Variants in DEFB131A observed in about 807,000 individuals in gnomAD.
The protein encoded by DEFB131A is defensin beta 131A, also known as beta-defensin 131A.
A neutral mutation model predicts 2.4 loss-of-function variants in DEFB131A; 5 were observed. The observed-to-expected ratio is 2.12, with a 90% CI of 1.11 to 4.47. DEFB131A has a LOEUF of 4.47. DEFB131A is among the 30% of genes most tolerant of loss of function. The probability of loss-of-function intolerance (pLI) is 0.00; values close to 1 mark genes in which losing one functional copy is unlikely to be tolerated. For missense variants in DEFB131A, 120 were observed against 79.9 expected (o/e 1.50, Z -1.91); for synonymous variants, 34 against 25.7 (o/e 1.32, Z -0.97).
chr4:9,448,386 T>C (rs1326932507), intron 1 of DEFB131A, among the ~76,000 whole-genome samples: 3 of 152,154 alleles, frequency 2.0e-5, no homozygotes, highest in African/African-American at 4.8e-5. Flanking sequence ...TCTCACTTTG[T>C]CACCCAGGCT....
At chr4:9,448,724 C>T (rs756514018) in intron 1 of DEFB131A, among the ~76,000 whole-genome samples, 1 of 152,130 alleles carries the variant, frequency 6.6e-6, no homozygotes, top group African/African-American at 2.4e-5. Flanking sequence ...AAAAGAAATT[C>T]TTCGCTCATA....
At chr4:9,448,427 G>A (rs1364845650) in intron 1 of DEFB131A, among the ~76,000 whole-genome samples, 2 of 152,026 alleles carry the variant, frequency 1.3e-5, no homozygotes, top group Non-Finnish European at 2.9e-5. Flanking sequence ...TTGGCTCACT[G>A]CAGCCTCTGC....
chr4:9,445,079 C>CA (rs2108836646), intron 1 of DEFB131A, among the ~76,000 whole-genome samples: 1 of 151,804 alleles, frequency 6.6e-6, no homozygotes, highest in Admixed American at 6.6e-5. Flanking sequence ...GACCCTGTCT[C>CA]AAAAAATAAT....
At chr4:9,446,369 G>T (rs1426829278) in intron 1 of DEFB131A, among the ~76,000 whole-genome samples, 1 of 152,010 alleles carries the variant, frequency 6.6e-6, no homozygotes, top group Non-Finnish European at 1.5e-5. Context: ...TCTTCGTATG[G>T]ATTATTTAGC....
chr4:9,447,235 C>T (rs1165335568), intron 1 of DEFB131A, among the ~76,000 whole-genome samples: 17 of 152,096 alleles, frequency 1.1e-4, no homozygotes, highest in Admixed American at 9.2e-4. Context: ...CTCTTTAGCT[C>T]TAATGACATT....
Position 9,450,434 on chromosome 4 carries a change from C to A in DEFB131A, c.133C>A (p.His45Asn). 2 of 1,610,210 alleles carry A rather than the reference C, an allele frequency of 1.2e-6. No individual in the cohort carries two copies. The highest frequency in any genetic ancestry group is 1.7e-6 in the Non-Finnish European group (2 of 1,178,720). Reference sequence around the variant, plus strand: ...CAGACTGAAGTGCAATGCTGATGAACATGCAATTAGATACTGTGCTGACTT... The same window carrying A: ...CAGACTGAAGTGCAATGCTGATGAAAATGCAATTAGATACTGTGCTGACTT... ...HCRLKCNADE[H>N]AIRYCADFSI... Residue 45 changes from histidine (H) to asparagine (N), a missense_variant, in exon 2 of 2, where the codon CAT becomes AAT. By Grantham distance (68) the His-to-Asn change is moderately conservative. Coordinates refer to ENST00000334879, the MANE Select transcript of DEFB131A (RefSeq NM_001040448.3).
chr4:9,444,585 C>T lies in DEFB131A; in HGVS notation c.52C>T (p.Pro18Ser), dbSNP rs758097415. Residue 18 changes from proline to serine, a missense_variant, in exon 1 of 2, where the codon CCT becomes TCT. Pro to Ser is a moderately conservative substitution (Grantham distance 74). Transcript: ENST00000334879. The stretch of plus-strand genomic sequence containing the variant: ...AGTCCTTTCCTTGATGTTCACAGTT[C>T]CTCCAGGTAAGACAGAAACTTTTTT... Reference protein sequence around the residue: ...FGVLSLMFTVPPARSFISNDE... With the variant: ...FGVLSLMFTVSPARSFISNDE... The T allele has an allele frequency of 6.3e-6, 10 of 1,580,088 alleles. No homozygotes were observed. Among genetic ancestry groups the T allele is most frequent in the African/African-American group, 1.4e-5 (1 of 70,694 alleles).
Position 9,450,464 on chromosome 4 carries a change from A to T in DEFB131A, c.163A>T (p.Ile55Phe). Residue 55 changes from isoleucine to phenylalanine, a missense_variant, in exon 2 of 2, where the codon ATC becomes TTC. Transcript: ENST00000334879. ...HAIRYCADFSICCKLKIIEID... is the reference protein window; with the variant it reads ...HAIRYCADFSFCCKLKIIEID... ...AATTAGATACTGTGCTGACTTCAGCATCTGCTGCAAACTGAAGATCATTGA... is the reference window on the plus strand; with the variant it reads ...AATTAGATACTGTGCTGACTTCAGCTTCTGCTGCAAACTGAAGATCATTGA... 1 of 1,611,062 alleles carries T rather than the reference A, an allele frequency of 6.2e-7. No individual in the cohort carries two copies. Among genetic ancestry groups the T allele is most frequent in the Non-Finnish European group, 8.5e-7 (1 of 1,179,318 alleles).
chr4:9,444,938 TCAG>T (rs1251958203), intron 1 of DEFB131A, among the ~76,000 whole-genome samples: 1 of 149,912 alleles, frequency 6.7e-6, no homozygotes, highest in Non-Finnish European at 1.5e-5. Context: ...AAAAAATTAA[TCAG>T]GTATAGTGGC....
rs184050476 is a variant in DEFB131A at position 9,448,999 on chromosome 4, G to A, written c.59-1361G>A. On this transcript the variant is annotated intron_variant, in intron 1 of 1. Transcript: ENST00000334879. ...TAATAACAAATTCAGTAAAGTTGCA[G>A]GATAGAAAATCAACATACGAATATC... 6.6e-3 allele frequency among the ~76,000 whole-genome samples: 1,008 copies of A among 152,006 alleles called. 15 individuals are homozygous for A. The highest frequency in any genetic ancestry group is 0.051 in the Middle Eastern group (15 of 294).
rs191659069 is a variant in DEFB131A at position 9,444,526 on chromosome 4, A to T, written c.-8A>T. 982 of 1,611,414 alleles carry T rather than the reference A, an allele frequency of 6.1e-4. No individual in the cohort carries two copies. In the African/African-American group the frequency reaches 0.012, roughly 19 times the overall value. ...TGATTCTCTCTAACCTGCTTTACCT[A>T]TTCAACCATGAGGGTCTTGTTTTTT... On this transcript the variant is annotated 5_prime_UTR_variant, in exon 1 of 2. Transcript: ENST00000334879.
Position 9,450,411 on chromosome 4 carries a change from G to A in DEFB131A, c.110G>A (p.Arg37Lys), listed in dbSNP as rs756105487. The change falls in exon 2 of 2, where the codon AGA becomes AAA. Residue 37 changes from arginine to lysine, a missense_variant. By Grantham distance (26) the Arg-to-Lys change is conservative. Transcript: ENST00000334879. ...DECPSEYYHC[R>K]LKCNADEHAI... The stretch of plus-strand genomic sequence containing the variant: ...TGTCCTTCAGAATATTATCATTGCA[G>A]ACTGAAGTGCAATGCTGATGAACAT... 45 of 1,605,950 alleles carry A rather than the reference G, an allele frequency of 2.8e-5. No homozygotes were observed. The highest frequency in any genetic ancestry group is 5.6e-5 in the South Asian group (5 of 89,830).
At chr4:9,450,083 C>G (rs937940380) in intron 1 of DEFB131A, among the ~76,000 whole-genome samples, 12 of 152,250 alleles carry the variant, frequency 7.9e-5, no homozygotes, top group African/African-American at 2.9e-4. Flanking sequence ...CACCCCCAAG[C>G]TGGATAATTC....
intron 1 of DEFB131A, among the ~76,000 whole-genome samples, chr4:9,445,018 T>A (rs180780401): frequency 1.7e-3 from 261 of 152,166 alleles, no homozygotes; most frequent in African/African-American, 6.0e-3. Context: ...ATGTCAAGGC[T>A]GCATTCAGCT....
intron 1 of DEFB131A, among the ~76,000 whole-genome samples, chr4:9,447,947 G>T (rs915584302): frequency 6.6e-6 from 1 of 152,028 alleles, no homozygotes; most frequent in African/African-American, 2.4e-5. Flanking sequence ...TATTTAATAA[G>T]TGTAGGCCAA....
chr4:9,447,375 C>G (rs2108837520), intron 1 of DEFB131A, among the ~76,000 whole-genome samples: 1 of 152,122 alleles, frequency 6.6e-6, no homozygotes, highest in East Asian at 1.9e-4. Context: ...TGTTTTTTCA[C>G]TTAAAGTCAA....
chr4:9,449,696 G>A (rs1351991272), intron 1 of DEFB131A, among the ~76,000 whole-genome samples: 1 of 151,998 alleles, frequency 6.6e-6, no homozygotes, highest in Non-Finnish European at 1.5e-5. Context: ...TAGGTTTAAA[G>A]GGAATATTTA....
chr4:9,446,574 A>T (rs1448026572), intron 1 of DEFB131A, among the ~76,000 whole-genome samples: 4 of 151,978 alleles, frequency 2.6e-5, no homozygotes, highest in African/African-American at 9.7e-5. Context: ...TGCATTTTTT[A>T]AATCTTGAAT....
intron 1 of DEFB131A, among the ~76,000 whole-genome samples, chr4:9,449,253 A>T (rs1024832967): frequency 6.9e-6 from 1 of 145,664 alleles, no homozygotes; most frequent in African/African-American, 2.5e-5. Context: ...TAAAATATCC[A>T]TACTATTCAA....
Sources: allele counts gnomAD v4.1 joint callset (sites outside exome capture counted in the v4.1 genomes callset), GRCh38; gene constraint gnomAD v4.1.1; transcripts MANE v1.5; gene names NCBI Gene and HGNC (gene_info 2026-07-23, HGNC 2026-07-21).